The following ATP8B4 variants were observed in gnomAD, a reference collection of about 807,000 sequenced individuals.
ATP8B4 encodes ATPase phospholipid transporting 8B4 (putative).
A neutral mutation model predicts 145.6 loss-of-function variants in ATP8B4; 133 were observed. The ratio of observed to expected loss-of-function variants is 0.91; its 90% CI spans 0.79 to 1.05. The LOEUF (loss-of-function observed/expected upper bound fraction) is 1.05. Among genes scored for constraint, ATP8B4 ranks in the 50% least tolerant of loss-of-function variants. ATP8B4 has a pLI of 0.00. For synonymous variants in ATP8B4, 507 were observed against 492.9 expected (o/e 1.03, Z -0.38); for missense variants, 1,458 against 1,425.2 (o/e 1.02, Z -0.37).
At chr15:50,088,150 G>T (rs11070748) in intron 2 of ATP8B4, among the ~76,000 whole-genome samples, 1 of 151,868 alleles carries the variant, frequency 6.6e-6, no homozygotes, top group Non-Finnish European at 1.5e-5. Flanking sequence ...CACTTTAGGA[G>T]GCCAAGGCGG....
At chr15:50,014,098 G>T (rs145011472) in intron 6 of ATP8B4, among the ~76,000 whole-genome samples, 2 of 152,266 alleles carry the variant, frequency 1.3e-5, no homozygotes, top group Non-Finnish European at 2.9e-5. Context: ...TCCTTTCCAT[G>T]TTCTAATGCT....
Position 50,168,093 on chromosome 15 carries a change from T to C in ATP8B4, c.-43+14168A>G, listed in dbSNP as rs530687749. On this transcript the variant is annotated intron_variant, in intron 1 of 3. Transcript: ENST00000558829. ...ATGCTAGGAAACTTACATTTAAGAA[T>C]TGAATAAGAAGAAAAGATATTACAA... 4.6e-5 allele frequency among the ~76,000 whole-genome samples: 7 copies of C among 151,690 alleles called. No individual in the cohort carries two copies. In the South Asian group the frequency reaches 1.5e-3, roughly 32 times the overall value.
At chr15:50,154,994 T>C (rs547695858) in intron 1 of ATP8B4, among the ~76,000 whole-genome samples, 12 of 152,214 alleles carry the variant, frequency 7.9e-5, no homozygotes, top group African/African-American at 2.9e-4. Context: ...GATTTTGAAT[T>C]ACATGAAAGC....
At chr15:49,920,749 T>C (rs577670714) in intron 17 of ATP8B4, among the ~76,000 whole-genome samples, 1 of 152,152 alleles carries the variant, frequency 6.6e-6, no homozygotes, top group Non-Finnish European at 1.5e-5. Context: ...TTCCAATCTG[T>C]CCTTGACGGA....
At chr15:50,009,489 T>C (rs530188584) in intron 7 of ATP8B4, 4 of 324,750 alleles carry the variant, frequency 1.2e-5, no homozygotes, top group African/African-American at 8.9e-5. Context: ...AGCATCTTAT[T>C]TGACACATGG....
intron 8 of ATP8B4, among the ~76,000 whole-genome samples, chr15:49,999,035 A>T (rs7182705): frequency 0.089 from 13,560 of 152,140 alleles, 649 homozygotes; most frequent in African/African-American, 0.13. Flanking sequence ...GGTTTGTCAA[A>T]TATCAGATAG....
intron 13 of ATP8B4, 63 bp from the exon 14 acceptor site, chr15:49,962,083 T>C (rs12442430): frequency 0.51 from 653,436 of 1,274,606 alleles, 173,490 homozygotes; most frequent in Non-Finnish European, 0.55. Flanking sequence ...AGACATTTAG[T>C]TTTAAGGAAT....
At chr15:49,932,055 A>G (rs1422532651) in intron 15 of ATP8B4, among the ~76,000 whole-genome samples, 1 of 151,432 alleles carries the variant, frequency 6.6e-6, no homozygotes, top group Non-Finnish European at 1.5e-5. Context: ...ATTATATTAT[A>G]TTTATATGTA....
At chr15:49,926,540 T>G (rs2153460509) in intron 16 of ATP8B4, among the ~76,000 whole-genome samples, 1 of 152,270 alleles carries the variant, frequency 6.6e-6, no homozygotes, top group South Asian at 2.1e-4. Flanking sequence ...TCCCTCTCCC[T>G]TCTATTAAGT....
chr15:50,092,900 T>C (rs907809578), intron 2 of ATP8B4, among the ~76,000 whole-genome samples: 1 of 151,894 alleles, frequency 6.6e-6, no homozygotes, highest in Non-Finnish European at 1.5e-5. Context: ...AAAAAGAAAC[T>C]ATATCTAGAC....
At chr15:49,945,869 T>C (rs1200536844) in intron 14 of ATP8B4, among the ~76,000 whole-genome samples, 2 of 152,100 alleles carry the variant, frequency 1.3e-5, no homozygotes, top group Non-Finnish European at 2.9e-5. Context: ...AAAGTCCATA[T>C]ATGAAAAACC....
chr15:50,099,237 C>T (rs933175398), intron 2 of ATP8B4, among the ~76,000 whole-genome samples: 1 of 152,180 alleles, frequency 6.6e-6, no homozygotes, highest in Non-Finnish European at 1.5e-5. Flanking sequence ...CCATAAACAA[C>T]CTTCTTCCTG....
chr15:50,173,297 G>A (rs1237140608), intron 1 of ATP8B4, among the ~76,000 whole-genome samples: 2 of 152,198 alleles, frequency 1.3e-5, no homozygotes, highest in East Asian at 1.9e-4. Flanking sequence ...GATTGTTACT[G>A]TGTCTGTGTA....
intron 14 of ATP8B4, among the ~76,000 whole-genome samples, chr15:49,944,844 T>C (rs1384256591): frequency 6.6e-6 from 1 of 152,068 alleles, no homozygotes; most frequent in Non-Finnish European, 1.5e-5. Flanking sequence ...AAATTTAAGA[T>C]TAAGATTATG....
At chr15:49,880,814 A>G (rs1051842375) in intron 23 of ATP8B4, 14 of 135,568 alleles carry the variant, frequency 1.0e-4, no homozygotes, top group African/African-American at 8.7e-5. Flanking sequence ...ACAACAGGCT[A>G]AAAAAAAAAA....
intron 1 of ATP8B4, among the ~76,000 whole-genome samples, chr15:50,131,247 C>A (rs2057343901): frequency 6.6e-6 from 1 of 152,184 alleles, no homozygotes; most frequent in African/African-American, 2.4e-5. Flanking sequence ...AACCTAACCA[C>A]ATCAATAATG....
chr15:49,899,390 G>A (rs191749556), intron 21 of ATP8B4, among the ~76,000 whole-genome samples: 2 of 152,244 alleles, frequency 1.3e-5, no homozygotes, highest in East Asian at 3.9e-4. Context: ...TAAAACGAGA[G>A]CCATGTTCTA....
chr15:50,014,648 G>A (rs1225398787), intron 6 of ATP8B4, among the ~76,000 whole-genome samples: 1 of 151,842 alleles, frequency 6.6e-6, no homozygotes, highest in Admixed American at 6.6e-5. Flanking sequence ...TGAAATATTT[G>A]GGACACATTT....
intron 14 of ATP8B4, among the ~76,000 whole-genome samples, chr15:49,942,403 C>T (rs1213059226): frequency 6.6e-6 from 1 of 151,590 alleles, no homozygotes; most frequent in African/African-American, 2.4e-5. Context: ...TAACACAAGA[C>T]AGAAACTTGG....
Sources: allele counts gnomAD v4.1 joint callset (sites outside exome capture counted in the v4.1 genomes callset), GRCh38; gene constraint gnomAD v4.1.1; transcripts MANE v1.5; gene names NCBI Gene and HGNC (gene_info 2026-07-23, HGNC 2026-07-21).